The following ELF1 variants were observed in gnomAD, a reference collection of about 807,000 sequenced individuals.
The protein encoded by ELF1 is ETS-related transcription factor Elf-1.
A neutral mutation model predicts 59.9 loss-of-function variants in ELF1; 24 were observed. That is an observed-to-expected ratio of 0.40 (90% CI 0.29 to 0.56). The LOEUF is 0.56. Ranked by LOEUF, ELF1 falls within the 20% of genes least tolerant of loss-of-function variation. ELF1 has a pLI of 0.44. For synonymous variants in ELF1, 248 were observed against 266.2 expected (o/e 0.93, Z 0.67); for missense variants, 627 against 742.2 (o/e 0.84, Z 1.80).
At chr13:41,042,031 T>G (rs1244706915) in intron 1 of ELF1, among the ~76,000 whole-genome samples, 2 of 152,174 alleles carry the variant, frequency 1.3e-5, no homozygotes, top group East Asian at 3.9e-4. Flanking sequence ...TACTTATGTA[T>G]TTATATTTTT....
upstream of ELF1, among the ~76,000 whole-genome samples, chr13:41,020,004 G>C (rs1381820437): frequency 6.6e-6 from 1 of 152,332 alleles, no homozygotes; most frequent in Non-Finnish European, 1.5e-5. Flanking sequence ...TTTTAAAAAA[G>C]TATTGGTACG....
chr13:40,969,622 T>C (rs1295987706), intron 2 of ELF1, among the ~76,000 whole-genome samples: 1 of 152,210 alleles, frequency 6.6e-6, no homozygotes, highest in Non-Finnish European at 1.5e-5. Context: ...GTATGCAAAT[T>C]CTGCCAGGTT....
intron 1 of ELF1, among the ~76,000 whole-genome samples, chr13:41,059,095 T>G (rs912138639): frequency 6.6e-6 from 1 of 152,276 alleles, no homozygotes; most frequent in African/African-American, 2.4e-5. Flanking sequence ...TAGTAACTGC[T>G]TCTTAATAAT....
Position 41,001,149 on chromosome 13 carries a change from G to A in ELF1, c.-229+18079C>T, listed in dbSNP as rs1874412875. On this transcript the variant is annotated intron_variant, in intron 1 of 8. Coordinates refer to ENST00000239882, the MANE Select transcript of ELF1 (RefSeq NM_172373.4). The stretch of plus-strand genomic sequence containing the variant: ...CCACCACCACGCCTGTCTAATTTTT[G>A]TATTTTTAGTAGAGATGGGGTTTCA... 2.0e-5 allele frequency among the ~76,000 whole-genome samples: 3 copies of A among 151,834 alleles called. No individual in the cohort carries two copies. In the South Asian group the frequency reaches 6.2e-4, roughly 31 times the overall value.
intron 6 of ELF1, 132 bp from the exon 7 acceptor site, chr13:40,943,276 G>A (rs1870299961): frequency 6.3e-6 from 5 of 797,710 alleles, no homozygotes; most frequent in South Asian, 3.8e-5. Flanking sequence ...TAGTATTGGT[G>A]ACATAATTTA....
chr13:41,034,088 C>CA (rs1197002457), intron 1 of ELF1, among the ~76,000 whole-genome samples: 1 of 151,886 alleles, frequency 6.6e-6, no homozygotes, highest in African/African-American at 2.4e-5. Flanking sequence ...CCAAGAGCCC[C>CA]AAAACTCATT....
exon 1 of ELF1, chr13:41,061,321 C>T (rs1248102901): frequency 1.0e-5 from 4 of 398,140 alleles, no homozygotes; most frequent in Non-Finnish European, 1.9e-5. Flanking sequence ...ACAGAGACGG[C>T]GGGATGGCGC....
chr13:40,986,937 C>CTTTTTT lies in ELF1; in HGVS notation c.-228-4661_-228-4656dup, dbSNP rs1555276215. ...AATATATTTTTAGAAAATCATTGCT[C>CTTTTTT]TTTTTTTTTTTTTTTTTTGAGTGGG... On this transcript the variant is annotated intron_variant, in intron 1 of 8. Transcript: ENST00000239882. 1.0e-4 allele frequency among the ~76,000 whole-genome samples: 13 copies of CTTTTTT among 126,850 alleles called. 1 individual carries two copies. The highest frequency in any genetic ancestry group is 2.4e-4 in the East Asian group (1 of 4,168). The allele number at this position is 126,850 out of a possible 152,430, so 83.2% of individuals were successfully genotyped here.
At chr13:41,053,075 C>T (rs1430725731) in intron 1 of ELF1, among the ~76,000 whole-genome samples, 1 of 152,134 alleles carries the variant, frequency 6.6e-6, no homozygotes, top group African/African-American at 2.4e-5. Flanking sequence ...TTAAAATCAC[C>T]AGGCACTGTG....
intron 1 of ELF1, among the ~76,000 whole-genome samples, chr13:40,998,742 A>C (rs757332376): frequency 2.0e-5 from 3 of 152,212 alleles, no homozygotes; most frequent in Non-Finnish European, 4.4e-5. Flanking sequence ...CATTTCAGTT[A>C]CTATTAACTA....
chr13:41,019,742 T>TA (rs920899733), upstream of ELF1, among the ~76,000 whole-genome samples: 3 of 152,188 alleles, frequency 2.0e-5, no homozygotes, highest in African/African-American at 7.2e-5. Flanking sequence ...GTAATCTGGC[T>TA]ACTCATTAAC....
chr13:40,986,819 A>G lies in ELF1; in HGVS notation c.-228-4537T>C, dbSNP rs372503518. Among the ~76,000 whole-genome samples the G allele has an allele frequency of 3.3e-3, 500 of 152,270 alleles. 3 individuals carry two copies. The highest frequency in any genetic ancestry group is 0.011 in the African/African-American group (471 of 41,556). On this transcript the variant is annotated intron_variant, in intron 1 of 8. Transcript: ENST00000239882. Reference sequence around the variant, plus strand: ...GAAGATTTCAGGTACTAAAAAAAATATGATAGTCAAAATTGATCACTGATT... The same window carrying G: ...GAAGATTTCAGGTACTAAAAAAAATGTGATAGTCAAAATTGATCACTGATT...
rs1157685291 is a variant in ELF1, at chr13:40,932,079, A to G, written c.*1346T>C. On this transcript the variant is annotated 3_prime_UTR_variant, in exon 9 of 9. Transcript: ENST00000239882. ...TAATAAACCAATTAAAGATACAAAA[A>G]TGTTTAGAGGATTCCAAAATTTAAA... 2.0e-5 allele frequency: 3 copies of G among 152,228 alleles called. No individual in the cohort carries two copies. Among genetic ancestry groups the G allele is most frequent in the Admixed American group, 6.5e-5 (1 of 15,284 alleles). The allele number at this position is 152,228 out of a possible 1,614,324, so 9.4% of individuals were successfully genotyped here.
At chr13:41,006,443 G>C (rs1053113959) in intron 1 of ELF1, among the ~76,000 whole-genome samples, 1 of 151,284 alleles carries the variant, frequency 6.6e-6, no homozygotes, top group Non-Finnish European at 1.5e-5. Context: ...AACCCTAACT[G>C]GGGGGCAGGA....
chr13:41,019,187 G>C (rs1391186971), intron 1 of ELF1, 41 bp downstream of exon 1: 1 of 985,232 alleles, frequency 1.0e-6, no homozygotes, highest in East Asian at 1.1e-4. Context: ...ATCAGCTCAA[G>C]AAAAAGCCAG....
At chr13:40,955,695 T>C (rs1200250769) in intron 3 of ELF1, among the ~76,000 whole-genome samples, 15 of 85,636 alleles carry the variant, frequency 1.8e-4, no homozygotes, top group South Asian at 1.3e-3. Flanking sequence ...GCCCCCGGCC[T>C]GGCCAGCCGC....
At chr13:40,970,413 A>G (rs1479482097) in intron 2 of ELF1, among the ~76,000 whole-genome samples, 1 of 152,218 alleles carries the variant, frequency 6.6e-6, no homozygotes, top group Non-Finnish European at 1.5e-5. Flanking sequence ...ATAACATTAT[A>G]CTATAGAAAA....
intron 1 of ELF1, among the ~76,000 whole-genome samples, chr13:40,999,520 T>C (rs9594474): frequency 6.6e-6 from 1 of 152,070 alleles, no homozygotes; most frequent in African/African-American, 2.4e-5. Flanking sequence ...CAGTAGAATT[T>C]AGGCATGATT....
chr13:40,941,149 G>C lies in ELF1; in HGVS notation c.1028C>G (p.Thr343Arg). ...TTTAGAATTCCCTGGTTTTAGAACT[G>C]TAGTGGCTCCTCCTTTTACCCCTGG... Reference protein sequence around the residue: ...SSPGVKGGATTVLKPGNSKAA... With the variant: ...SSPGVKGGATRVLKPGNSKAA... The change falls in exon 8 of 9, where the codon ACA becomes AGA. Residue 343 changes from threonine to arginine, a missense_variant. Transcript: ENST00000239882. The C allele has an allele frequency of 6.2e-7, 1 of 1,614,062 alleles. No homozygotes were observed. Among genetic ancestry groups the C allele is most frequent in the Non-Finnish European group, 8.5e-7 (1 of 1,179,928 alleles).
Sources: gnomAD v4.1 joint callset for allele counts (sites outside exome capture counted in the v4.1 genomes callset) on GRCh38, gnomAD v4.1.1 for gene constraint, MANE v1.5 for transcripts, NCBI Gene and HGNC (gene_info 2026-07-23, HGNC 2026-07-21) for gene names.